The following PTPRD variants were observed in gnomAD, a reference collection of about 807,000 sequenced individuals.
PTPRD encodes protein tyrosine phosphatase receptor type D, also known as receptor-type tyrosine-protein phosphatase delta.
Under a neutral mutation model 214.5 loss-of-function variants are expected in PTPRD, and 34 were observed. The observed-to-expected ratio is 0.16, with a 90% CI of 0.12 to 0.21. The LOEUF (loss-of-function observed/expected upper bound fraction) is 0.21, where lower values mean the gene tolerates loss of function less well. PTPRD is among the 10% of genes least tolerant of loss of function. The pLI, the probability that PTPRD is intolerant of heterozygous loss-of-function variation, is 1.00. For synonymous variants in PTPRD, 1,128 were observed against 845.7 expected (o/e 1.33, Z -5.79); for missense variants, 2,545 against 2,398.7 (o/e 1.06, Z -1.27).
chr9:10,066,569 T>C (rs541006847), intron 3 of PTPRD, among the ~76,000 whole-genome samples: 1 of 151,870 alleles, frequency 6.6e-6, no homozygotes, highest in African/African-American at 2.4e-5. Context: ...ATTTTTAGCA[T>C]AAAATCATGC....
At chr9:8,527,896 A>G (rs993150236) in intron 15 of PTPRD, among the ~76,000 whole-genome samples, 2 of 152,162 alleles carry the variant, frequency 1.3e-5, no homozygotes, top group South Asian at 2.1e-4. Flanking sequence ...ACGGGCGCAC[A>G]CTACTGTGGC....
chr9:10,252,392 C>G (rs2092862056), intron 3 of PTPRD, among the ~76,000 whole-genome samples: 1 of 152,096 alleles, frequency 6.6e-6, no homozygotes, highest in South Asian at 2.1e-4. Context: ...TGTACACTTT[C>G]AAGCCAACAA....
intron 2 of PTPRD, among the ~76,000 whole-genome samples, chr9:10,412,830 T>G (rs548524388): frequency 6.6e-6 from 1 of 151,870 alleles, no homozygotes. Context: ...AAAAGTGTGA[T>G]TCATCACATA....
chr9:10,514,248 ACT>A (rs1457578740), intron 2 of PTPRD, among the ~76,000 whole-genome samples: 2 of 152,078 alleles, frequency 1.3e-5, no homozygotes, highest in East Asian at 1.9e-4. Flanking sequence ...ATACTTCTAA[ACT>A]CTGCATATTT....
chr9:8,677,219 C>G (rs1389894813), intron 12 of PTPRD, among the ~76,000 whole-genome samples: 1 of 152,162 alleles, frequency 6.6e-6, no homozygotes, highest in Non-Finnish European at 1.5e-5. Context: ...TGCATGCACA[C>G]ATACATTTAT....
intron 17 of PTPRD, among the ~76,000 whole-genome samples, chr9:8,525,696 G>C (rs1375906783): frequency 6.6e-6 from 1 of 152,138 alleles, no homozygotes; most frequent in African/African-American, 2.4e-5. Context: ...TTTTTAAAAA[G>C]TTAAAAGGCA....
chr9:9,528,623 A>G (rs963150465), intron 8 of PTPRD, among the ~76,000 whole-genome samples: 3 of 152,140 alleles, frequency 2.0e-5, no homozygotes, highest in African/African-American at 7.2e-5. Flanking sequence ...AAAAAGAACC[A>G]CGAGAAAATA....
intron 8 of PTPRD, among the ~76,000 whole-genome samples, chr9:9,490,692 A>G (rs1262018000): frequency 6.6e-6 from 1 of 151,862 alleles, no homozygotes; most frequent in African/African-American, 2.4e-5. Flanking sequence ...TATAATTACC[A>G]TGGTAATCAC....
rs138739013 is a variant in PTPRD at position 8,352,422 on chromosome 9, G to A, written c.4662-10444C>T. Among the ~76,000 whole-genome samples, 24 of 152,252 alleles carry A rather than the reference G, an allele frequency of 1.6e-4. No individual in the cohort carries two copies. The South Asian group carries it at 3.1e-3, about 20-fold the overall frequency. On this transcript the variant is annotated intron_variant, in intron 39 of 45. Transcript: ENST00000381196. The stretch of plus-strand genomic sequence containing the variant: ...TATCATTCACACAGAGATTTTCCTT[G>A]TAAACCATACCAGCTCACTCCGTAT...
At chr9:9,601,299 G>A (rs547544601) in intron 7 of PTPRD, among the ~76,000 whole-genome samples, 1 of 151,884 alleles carries the variant, frequency 6.6e-6, no homozygotes, top group African/African-American at 2.4e-5. Context: ...TTTTAAACTT[G>A]CAGTTCAAGC....
intron 7 of PTPRD, among the ~76,000 whole-genome samples, chr9:9,712,342 A>T (rs1454012256): frequency 1.3e-5 from 2 of 152,220 alleles, no homozygotes; most frequent in East Asian, 3.8e-4. Context: ...GCCTAGGGAC[A>T]CAGTGATAGG....
intron 9 of PTPRD, among the ~76,000 whole-genome samples, chr9:9,326,881 G>GCAGCC (rs1182523362): frequency 1.3e-5 from 2 of 152,064 alleles, no homozygotes; most frequent in Admixed American, 1.3e-4. Context: ...GTAGACATGA[G>GCAGCC]CAGCCCACTT....
At chr9:10,004,916 A>G (rs926708488) in intron 4 of PTPRD, among the ~76,000 whole-genome samples, 1 of 152,106 alleles carries the variant, frequency 6.6e-6, no homozygotes, top group Non-Finnish European at 1.5e-5. Context: ...AAATTTTTCC[A>G]AGTTGGTGTT....
At position 9,564,901 on chromosome 9, in the gene PTPRD, T is replaced by TG. The variant is rs1221602570; in HGVS notation, c.-237+9830_-237+9831insC. ...AATCTTCTGTTTTTTTTTTTTTTTTTTTTTTTTTTTTTGCAGTGCACCTAA... is the reference window on the plus strand; with the variant it reads ...AATCTTCTGTTTTTTTTTTTTTTTTTGTTTTTTTTTTTTGCAGTGCACCTAA... On this transcript the variant is annotated intron_variant, in intron 8 of 45. Transcript: ENST00000381196. 3.5e-5 allele frequency among the ~76,000 whole-genome samples: 5 copies of TG among 141,562 alleles called. No individual in the cohort carries two copies. The East Asian group carries it at 1.0e-3, about 29-fold the overall frequency. The allele number at this position is 141,562 out of a possible 152,430, so 92.9% of individuals were successfully genotyped here.
chr9:8,956,083 T>C lies in PTPRD; in HGVS notation c.-104+62614A>G, dbSNP rs536189658. On this transcript the variant is annotated intron_variant, in intron 11 of 45. Transcript: ENST00000381196. ...AAGCTGAATTATGGTGGAAATCCTA[T>C]ACAAATGCTCAATCTTTCCAGCAGC... is the stretch of plus-strand genomic sequence containing the variant. Among the ~76,000 whole-genome samples, 340 of 152,068 alleles carry C rather than the reference T, an allele frequency of 2.2e-3. 1 individual carries two copies. Among genetic ancestry groups the C allele is most frequent in the African/African-American group, 7.8e-3 (326 of 41,544 alleles).
intron 3 of PTPRD, among the ~76,000 whole-genome samples, chr9:10,074,802 A>G (rs1375215547): frequency 6.6e-6 from 1 of 152,138 alleles, no homozygotes; most frequent in Admixed American, 6.6e-5. Flanking sequence ...CACACACAGT[A>G]TATATAGCAT....
intron 4 of PTPRD, among the ~76,000 whole-genome samples, chr9:9,941,192 C>T (rs1239203968): frequency 1.3e-5 from 2 of 152,154 alleles, no homozygotes; most frequent in African/African-American, 4.8e-5. Flanking sequence ...GATGGACAAG[C>T]TTGATTTAGA....
At chr9:9,335,113 C>T (rs1374598791) in intron 9 of PTPRD, among the ~76,000 whole-genome samples, 1 of 152,036 alleles carries the variant, frequency 6.6e-6, no homozygotes, top group Non-Finnish European at 1.5e-5. Flanking sequence ...GACAAAATTA[C>T]ATCAACTGAA....
chr9:9,069,252 G>A lies in PTPRD; in HGVS notation c.-142-50517C>T, dbSNP rs530586122. 3.3e-4 allele frequency among the ~76,000 whole-genome samples: 50 copies of A among 152,056 alleles called. 1 individual carries two copies. The East Asian group carries it at 5.0e-3, about 15-fold the overall frequency. On this transcript the variant is annotated intron_variant, in intron 10 of 45. Transcript: ENST00000381196. ...GCCCCAAATTAATTTTTCCAAAATC[G>A]AAAAAGTATCTTTATTTATAAGTCA...
Sources: allele counts gnomAD v4.1 joint callset (sites outside exome capture counted in the v4.1 genomes callset), GRCh38; gene constraint gnomAD v4.1.1; transcripts MANE v1.5; gene names NCBI Gene and HGNC (gene_info 2026-07-23, HGNC 2026-07-21).